Variants in EPS15 observed in about 807,000 individuals in gnomAD.
EPS15 encodes the protein epidermal growth factor receptor pathway substrate 15, also known as epidermal growth factor receptor substrate 15.
Under a neutral mutation model 113.8 loss-of-function variants are expected in EPS15, and 72 were observed. The ratio of observed to expected loss-of-function variants is 0.63; its 90% CI spans 0.52 to 0.77. The LOEUF is 0.77. Ranked by LOEUF, EPS15 falls within the 30% of genes least tolerant of loss-of-function variation. The pLI is 0.00. For missense variants in EPS15, 1,048 were observed against 1,045.8 expected (o/e 1.00, Z -0.03); for synonymous variants, 344 against 363.4 (o/e 0.95, Z 0.61).
At chr1:51,478,049 TG>T (rs1278795697) in intron 2 of EPS15, among the ~76,000 whole-genome samples, 1 of 152,168 alleles carries the variant, frequency 6.6e-6, no homozygotes, top group African/African-American at 2.4e-5. Flanking sequence ...ATGTTGACAG[TG>T]TGGTGTTAAA....
chr1:51,361,318 G>A lies in EPS15; in HGVS notation c.2397C>T (p.Pro799=). ...GCTGAAATGGATCATTCAGTTTAAA[G>A]GGATCAGGAGAATCCAATTTGTTGA... ...RSINKLDSPD[P]FKLNDPFQPF... Residue 799 remains proline (P), a synonymous_variant, in exon 24 of 25, where the codon CCC becomes CCT. Transcript: ENST00000371733. The A allele has an allele frequency of 6.2e-7, 1 of 1,612,072 alleles. No homozygotes were observed. The highest frequency in any genetic ancestry group is 8.5e-7 in the Non-Finnish European group (1 of 1,179,390).
chr1:51,508,282 A>C (rs1376722301), intron 1 of EPS15, among the ~76,000 whole-genome samples: 4 of 142,188 alleles, frequency 2.8e-5, no homozygotes, highest in African/African-American at 1.1e-4. Context: ...GAAAGAGAGA[A>C]AGAGAGAAAG....
chr1:51,432,937 G>A (rs1651851672), intron 12 of EPS15, among the ~76,000 whole-genome samples: 1 of 151,970 alleles, frequency 6.6e-6, no homozygotes, highest in Non-Finnish European at 1.5e-5. Context: ...ATCTTTAGAG[G>A]GTCACAAACA....
At chr1:51,365,037 G>A (rs761898688) in intron 22 of EPS15, among the ~76,000 whole-genome samples, 21 of 152,032 alleles carry the variant, frequency 1.4e-4, no homozygotes, top group Non-Finnish European at 2.4e-4. Context: ...TCACCACATT[G>A]CCCAGGCTGG....
At chr1:51,379,975 C>T (rs1252389988) in intron 21 of EPS15, among the ~76,000 whole-genome samples, 1 of 146,666 alleles carries the variant, frequency 6.8e-6, no homozygotes, top group East Asian at 2.2e-4. Context: ...GGCAGGAGAA[C>T]AACTTGAAGC....
chr1:51,465,438 G>C lies in EPS15; in HGVS notation c.310-112C>G, dbSNP rs1654778943. On this transcript the variant is annotated intron_variant, in intron 5 of 24. Coordinates refer to ENST00000371733, the MANE Select transcript of EPS15 (RefSeq NM_001981.3). ...TTCACACAAAATGCTGGATCTCAAT[G>C]CACACAGGACACTATTTTACATTTA... is the stretch of plus-strand genomic sequence containing the variant. 4.8e-6 allele frequency: 3 copies of C among 619,554 alleles called. No homozygotes were observed. In the African/African-American group the frequency reaches 5.6e-5, roughly 12 times the overall value. 38.4% of individuals were successfully genotyped at this position (619,554 alleles called of 1,614,324 possible). A position where few individuals can be genotyped will look rare whatever the true frequency, so the allele number is the denominator to read the frequency against.
At chr1:51,411,192 A>G (rs1278158298) in intron 13 of EPS15, among the ~76,000 whole-genome samples, 2 of 152,204 alleles carry the variant, frequency 1.3e-5, no homozygotes, top group African/African-American at 2.4e-5. Flanking sequence ...TTTTTATCTT[A>G]TATTTTCTTA....
intron 1 of EPS15, among the ~76,000 whole-genome samples, chr1:51,506,622 G>T (rs1271272998): frequency 6.6e-6 from 1 of 151,884 alleles, no homozygotes; most frequent in Non-Finnish European, 1.5e-5. Flanking sequence ...AGCTCTGAGG[G>T]TATAAAGCAG....
At chr1:51,460,280 T>C (rs1195956697) in intron 8 of EPS15, among the ~76,000 whole-genome samples, 1 of 152,206 alleles carries the variant, frequency 6.6e-6, no homozygotes, top group African/African-American at 2.4e-5. Context: ...CAGCAAAGTT[T>C]TATCAAACCT....
chr1:51,379,086 G>T (rs376113681), intron 21 of EPS15, among the ~76,000 whole-genome samples: 16 of 152,298 alleles, frequency 1.1e-4, no homozygotes, highest in African/African-American at 3.9e-4. Flanking sequence ...AGTAGTGAGA[G>T]AAAACTGACT....
chr1:51,444,906 T>C lies in EPS15; in HGVS notation c.937A>G (p.Arg313Gly), dbSNP rs138700010. 94 of 1,613,766 alleles carry C rather than the reference T, an allele frequency of 5.8e-5. No individual in the cohort carries two copies. Among genetic ancestry groups the C allele is most frequent in the Non-Finnish European group, 7.6e-5 (90 of 1,179,862 alleles). The change falls in exon 11 of 25, where the codon AGG becomes GGG. Residue 313 changes from arginine to glycine, a missense_variant. Arg to Gly is a moderately radical substitution (Grantham distance 125, BLOSUM62 -2). Coordinates refer to ENST00000371733, the MANE Select transcript of EPS15 (RefSeq NM_001981.3). ...TTTCTTACCTTTTGTAAACTGGCCC[T>C]GTCTGATGGTGGAATCATTTCAGGA... is the stretch of plus-strand genomic sequence containing the variant. ...LTPEMIPPSD[R>G]ASLQKNIIGS...
intron 12 of EPS15, among the ~76,000 whole-genome samples, chr1:51,426,837 C>CTCTCTCTCTATATATA (rs377211027): frequency 6.7e-4 from 96 of 143,640 alleles, no homozygotes; most frequent in African/African-American, 2.4e-3. Context: ...CTCTCTCTCT[C>CTCTCTCTCTATATATA]TATATATATA....
Position 51,394,368 on chromosome 1 carries a change from A to T in EPS15, c.2119+13T>A, listed in dbSNP as rs755599350. 14 of 1,557,090 alleles carry T rather than the reference A, an allele frequency of 9.0e-6. No individual in the cohort carries two copies. In the South Asian group the frequency reaches 9.5e-5, roughly 11 times the overall value. On this transcript the variant is annotated intron_variant, in intron 21 of 24. Coordinates refer to ENST00000371733, the MANE Select transcript of EPS15 (RefSeq NM_001981.3). ...GTTTAATGTTCAATGAAGTTGATAA[A>T]TTATTTATTTACCTGAATCGCTTGC...
At chr1:51,376,915 G>A (rs1646813702) in intron 21 of EPS15, among the ~76,000 whole-genome samples, 1 of 152,102 alleles carries the variant, frequency 6.6e-6, no homozygotes, top group South Asian at 2.1e-4. Flanking sequence ...ATGGATTTGG[G>A]CAAAGTACAC....
At chr1:51,366,062 A>G (rs1646501102) in intron 21 of EPS15, 33 bp from the exon 22 acceptor site, 3 of 1,497,584 alleles carry the variant, frequency 2.0e-6, no homozygotes, top group Non-Finnish European at 2.8e-6. Flanking sequence ...ATGAAACAGG[A>G]CAGTAAGACA....
intron 1 of EPS15, among the ~76,000 whole-genome samples, chr1:51,483,416 T>TGTGA (rs1553134622): frequency 1.5e-4 from 23 of 151,350 alleles, no homozygotes; most frequent in African/African-American, 5.6e-4. Context: ...TGTGTGTGTG[T>TGTGA]GTGTGTGTGT....
At chr1:51,498,599 G>A (rs1180642548) in intron 1 of EPS15, among the ~76,000 whole-genome samples, 2 of 152,192 alleles carry the variant, frequency 1.3e-5, no homozygotes, top group South Asian at 2.1e-4. Flanking sequence ...TAGGCATGTT[G>A]AATGCATTTC....
chr1:51,519,012 G>C (rs990160917), intron 1 of EPS15, among the ~76,000 whole-genome samples, 187 bp downstream of exon 1: 34 of 151,432 alleles, frequency 2.2e-4, no homozygotes, highest in African/African-American at 7.7e-4. Flanking sequence ...GCGGCCGCAG[G>C]GGGGCTCCGG....
Position 51,451,605 on chromosome 1 carries a change from CA to C in EPS15, c.562-3471del, listed in dbSNP as rs1042060649. 1.0e-4 allele frequency among the ~76,000 whole-genome samples: 15 copies of C among 150,596 alleles called. No homozygotes were observed. In the East Asian group the frequency reaches 2.5e-3, roughly 25 times the overall value. ...TAGGGATAAATGGAGCAATTGAGAGCAGGGGTGGAAATGAGATTTTTTTCAC... is the reference window on the plus strand; with the variant it reads ...TAGGGATAAATGGAGCAATTGAGAGCGGGGTGGAAATGAGATTTTTTTCAC... On this transcript the variant is annotated intron_variant, in intron 8 of 24. Transcript: ENST00000371733.
Sources: gnomAD v4.1 joint callset for allele counts (sites outside exome capture counted in the v4.1 genomes callset) on GRCh38, gnomAD v4.1.1 for gene constraint, MANE v1.5 for transcripts, NCBI Gene and HGNC (gene_info 2026-07-23, HGNC 2026-07-21) for gene names.